CIBAR1: variants seen among roughly 807,000 people sequenced by gnomAD.
CIBAR1 encodes CBY1-interacting BAR domain-containing protein 1.
A neutral mutation model predicts 44.0 loss-of-function variants in CIBAR1; 25 were observed. The ratio of observed to expected loss-of-function variants is 0.57; its 90% CI spans 0.41 to 0.79. CIBAR1 has a LOEUF of 0.79. Among genes scored for constraint, CIBAR1 ranks in the 30% least tolerant of loss-of-function variants. The pLI is 0.00. For synonymous variants in CIBAR1, 115 were observed against 119.0 expected (o/e 0.97, Z 0.22); for missense variants, 278 against 344.8 (o/e 0.81, Z 1.53).
At chr8:93,727,649 C>T (rs1234128785) in intron 8 of CIBAR1, among the ~76,000 whole-genome samples, 1 of 152,212 alleles carries the variant, frequency 6.6e-6, no homozygotes, top group African/African-American at 2.4e-5. Context: ...AGCCCCAATA[C>T]TGACAAACAA....
rs567919470 is a variant in CIBAR1, at chr8:93,704,535, G to C, written c.331-374G>C. On this transcript the variant is annotated intron_variant, in intron 3 of 8. Coordinates refer to ENST00000518322, the MANE Select transcript of CIBAR1 (RefSeq NM_145269.5). ...TGCTGTGCTGGCCCAGTTCCTAATA[G>C]GCCTGGGGGTTGGGAGCCCTTGATT... Among the ~76,000 whole-genome samples the C allele has an allele frequency of 7.0e-4, 106 of 152,260 alleles. 1 individual carries two copies. The highest frequency in any genetic ancestry group is 1.5e-3 in the Admixed American group (23 of 15,296).
intron 6 of CIBAR1, among the ~76,000 whole-genome samples, chr8:93,714,177 CAT>C (rs1455693117): frequency 7.9e-5 from 12 of 152,098 alleles, no homozygotes; most frequent in African/African-American, 2.4e-4. Context: ...AAATTGTGCA[CAT>C]CTTTTGTTAA....
intron 7 of CIBAR1, chr8:93,725,735 G>A (rs891595500): frequency 6.6e-6 from 1 of 151,982 alleles, no homozygotes; most frequent in Non-Finnish European, 1.5e-5. Context: ...AAATCAGAAT[G>A]GTATTTTTAA....
chr8:93,728,280 G>A lies in CIBAR1; in HGVS notation c.853G>A (p.Glu285Lys), dbSNP rs535494164. The A allele has an allele frequency of 6.3e-7, 1 of 1,582,160 alleles. No individual in the cohort carries two copies. The highest frequency in any genetic ancestry group is 1.2e-5 in the South Asian group (1 of 84,946). Residue 285 changes from glutamate (E) to lysine (K), a missense_variant, in exon 9 of 9, where the codon GAA (glutamate) becomes AAA (lysine). Physicochemically the swap from Glu to Lys is moderately conservative, Grantham distance 56 (BLOSUM62 1). Transcript: ENST00000518322. The stretch of plus-strand genomic sequence containing the variant: ...TGACGAGTTAGATGTTACAGAAGAA[G>A]AAAATTTTCTTAAGTAAACTACACA... The part of the protein sequence containing the change: ...EDDELDVTEE[E>K]NFLK
chr8:93,703,661 T>A lies in CIBAR1; in HGVS notation c.303T>A (p.Thr101=). The A allele has an allele frequency of 6.4e-7, 1 of 1,553,136 alleles. No individual in the cohort carries two copies. Among genetic ancestry groups the A allele is most frequent in the South Asian group, 1.2e-5 (1 of 83,160 alleles). Residue 101 remains threonine (T), a synonymous_variant, in exon 3 of 9, where the codon ACT becomes ACA. Coordinates refer to ENST00000518322, the MANE Select transcript of CIBAR1 (RefSeq NM_145269.5). ...LEAKVVEPLK[T]YGTIVKMKRD... ...CCAAAGTAGTTGAACCCTTGAAAACTTATGGGACCATTGTGAAAATGAAAC... is the reference window on the plus strand; with the variant it reads ...CCAAAGTAGTTGAACCCTTGAAAACATATGGGACCATTGTGAAAATGAAAC...
At chr8:93,703,355 A>G (rs931590282) in intron 2 of CIBAR1, among the ~76,000 whole-genome samples, 2 of 152,192 alleles carry the variant, frequency 1.3e-5, no homozygotes, top group Non-Finnish European at 2.9e-5. Context: ...GAACTGTCTT[A>G]ACACCCTTAA....
Position 93,728,207 on chromosome 8 carries a change from A to C in CIBAR1, c.780A>C (p.Val260=). 6.4e-7 allele frequency: 1 copy of C among 1,565,670 alleles called. No individual in the cohort carries two copies. Among genetic ancestry groups the C allele is most frequent in the Non-Finnish European group, 8.6e-7 (1 of 1,161,236 alleles). ...AAAAGTGTGTTAACTTTTAACAGGTATCCACTTGTCGACTAAGAAAGGATC... is the reference window on the plus strand; with the variant it reads ...AAAAGTGTGTTAACTTTTAACAGGTCTCCACTTGTCGACTAAGAAAGGATC... The part of the protein sequence containing the change: ...SAKCVSGTGQ[V]STCRLRKDQQ... Residue 260 remains valine, a splice_region_variant and synonymous_variant, in exon 9 of 9, where the codon GTA becomes GTC. Coordinates refer to ENST00000518322, the MANE Select transcript of CIBAR1 (RefSeq NM_145269.5).
chr8:93,705,076 A>G (rs1810526543), intron 4 of CIBAR1, 66 bp downstream of exon 4: 1 of 1,020,986 alleles, frequency 9.8e-7, no homozygotes, highest in African/African-American at 1.6e-5. Context: ...AAATGTATAT[A>G]GAAATTGTGC....
intron 3 of CIBAR1, among the ~76,000 whole-genome samples, chr8:93,704,065 A>G (rs1432434984): frequency 6.8e-6 from 1 of 147,018 alleles, no homozygotes; most frequent in Non-Finnish European, 1.5e-5. Flanking sequence ...CTCTGTCTCA[A>G]AAAAAAAAAA....
chr8:93,726,488 C>A lies in CIBAR1; in HGVS notation c.752C>A (p.Ala251Asp). 6.2e-7 allele frequency: 1 copy of A among 1,613,692 alleles called. No homozygotes were observed. Among genetic ancestry groups the A allele is most frequent in the Non-Finnish European group, 8.5e-7 (1 of 1,179,722 alleles). ...SKSPLQRSLS[A>D]KCVSGTGQVS... is the part of the protein sequence containing the mutation. The stretch of plus-strand genomic sequence containing the variant: ...TCACCTCTTCAGAGATCACTGTCAG[C>A]TAAGTGTGTATCTGGAACAGGACAG... Residue 251 changes from alanine (A) to aspartate (D), a missense_variant, in exon 8 of 9, where the codon GCT (alanine) becomes GAT (aspartate). This residue lies in a region of CIBAR1 where 93 missense variants were observed against 108.9 expected (regional missense o/e 0.85). Transcript: ENST00000518322.
Position 93,726,539 on chromosome 8 carries a change from G to A in CIBAR1, c.777+26G>A, listed in dbSNP as rs1416243377. 3 of 1,610,810 alleles carry A rather than the reference G, an allele frequency of 1.9e-6. No individual in the cohort carries two copies. In the African/African-American group the frequency reaches 4.0e-5, roughly 22 times the overall value. ...GTGAGCAAGAAACCGTACTCTAAAG[G>A]AATTTGAGCTGCTGCCTTTGGAATT... On this transcript the variant is annotated intron_variant, in intron 8 of 8. Transcript: ENST00000518322.
intron 7 of CIBAR1, among the ~76,000 whole-genome samples, chr8:93,720,465 T>C (rs1422780552): frequency 6.6e-6 from 1 of 152,238 alleles, no homozygotes; most frequent in Non-Finnish European, 1.5e-5. Flanking sequence ...ATCAGTTATA[T>C]ATACATATTT....
chr8:93,711,958 T>A (rs947740982), intron 6 of CIBAR1, among the ~76,000 whole-genome samples: 6 of 152,144 alleles, frequency 3.9e-5, no homozygotes, highest in Non-Finnish European at 7.4e-5. Flanking sequence ...AGGTGCTGTA[T>A]GGTGGAGGGT....
intron 5 of CIBAR1, among the ~76,000 whole-genome samples, chr8:93,709,162 C>A (rs1810720924): frequency 6.6e-6 from 1 of 152,048 alleles, no homozygotes; most frequent in African/African-American, 2.4e-5. Context: ...CACCTGTAAT[C>A]CTAGCTACTC....
intron 8 of CIBAR1, chr8:93,727,363 G>A: frequency 2.4e-6 from 1 of 409,006 alleles, no homozygotes; most frequent in Non-Finnish European, 4.3e-6. Flanking sequence ...GGCATTAAGT[G>A]CCTTGAACAT....
rs1015040267 is a variant in CIBAR1 at position 93,728,853 on chromosome 8, A to G, written c.*556A>G. ...AGTTATCAATGTTTTATGAATACACATAAGGCATAAATTTCAGCTGTAAAA... is the reference window on the plus strand; with the variant it reads ...AGTTATCAATGTTTTATGAATACACGTAAGGCATAAATTTCAGCTGTAAAA... On this transcript the variant is annotated 3_prime_UTR_variant, in exon 9 of 9. Coordinates refer to ENST00000518322, the MANE Select transcript of CIBAR1 (RefSeq NM_145269.5). The G allele has an allele frequency of 2.6e-5, 4 of 152,136 alleles. No individual in the cohort carries two copies. The highest frequency in any genetic ancestry group is 9.6e-5 in the African/African-American group (4 of 41,460). 9.4% of individuals were successfully genotyped at this position (152,136 alleles called of 1,614,324 possible).
intron 5 of CIBAR1, among the ~76,000 whole-genome samples, chr8:93,709,142 T>C (rs924314250): frequency 1.3e-5 from 2 of 152,098 alleles, no homozygotes; most frequent in African/African-American, 2.4e-5. Context: ...TAGCTGGGTG[T>C]GGTGGCATGC....
rs56884842 is a variant in CIBAR1 at position 93,712,251 on chromosome 8, C to G, written c.543+2376C>G. ...CTGCCTCCCAACCCTAAGCAGCCACCACTAATTTATGGATTGAGCTATTCT... is the reference window on the plus strand; with the variant it reads ...CTGCCTCCCAACCCTAAGCAGCCACGACTAATTTATGGATTGAGCTATTCT... On this transcript the variant is annotated intron_variant, in intron 6 of 8. Transcript: ENST00000518322. Among the ~76,000 whole-genome samples the G allele has an allele frequency of 8.2e-3, 1,249 of 152,284 alleles. 14 individuals are homozygous for G. Among genetic ancestry groups the G allele is most frequent in the African/African-American group, 0.028 (1,168 of 41,548 alleles).
chr8:93,724,430 T>C (rs958573494), intron 7 of CIBAR1: 12 of 431,900 alleles, frequency 2.8e-5, no homozygotes, highest in Admixed American at 1.2e-4. Flanking sequence ...GCTTAGGTGA[T>C]CCTCCCACCT....
Sources: gnomAD v4.1 joint callset for allele counts (sites outside exome capture counted in the v4.1 genomes callset) on GRCh38, gnomAD v4.1.1 for gene constraint, gnomAD v4.1.1 regional missense constraint, MANE v1.5 for transcripts, NCBI Gene and HGNC (gene_info 2026-07-23, HGNC 2026-07-21) for gene names.